The following ZMYM2 variants were observed in gnomAD, a reference collection of about 807,000 sequenced individuals.
The protein encoded by ZMYM2 is zinc finger MYM-type protein 2.
A neutral mutation model predicts 162.8 loss-of-function variants in ZMYM2; 56 were observed. That is an observed-to-expected ratio of 0.34 (90% CI 0.28 to 0.43). The LOEUF (loss-of-function observed/expected upper bound fraction) is 0.43, where lower values mean the gene tolerates loss of function less well. Ranked by LOEUF, ZMYM2 falls within the 20% of genes least tolerant of loss-of-function variation. The pLI, the probability that ZMYM2 is intolerant of heterozygous loss-of-function variation, is 1.00. For missense variants in ZMYM2, 1,275 were observed against 1,621.8 expected (o/e 0.79, Z 3.67); for synonymous variants, 510 against 541.6 (o/e 0.94, Z 0.81).
At chr13:19,922,399 G>A in the ZMYM2 span, among the ~76,000 whole-genome samples, 1 of 152,174 alleles carries the variant, frequency 6.6e-6, no homozygotes, top group African/African-American at 2.4e-5. Context: ...ACTACTTGTG[G>A]CAATAGCAAG....
At chr13:19,953,661 C>T in the ZMYM2 span, among the ~76,000 whole-genome samples, 9 of 113,110 alleles carry the variant, frequency 8.0e-5, no homozygotes, top group African/African-American at 2.8e-4. Context: ...TCCAGCCTGG[C>T]GACAGAGCAA....
At chr13:19,937,740 A>C in the ZMYM2 span, among the ~76,000 whole-genome samples, 1 of 149,462 alleles carries the variant, frequency 6.7e-6, no homozygotes. Context: ...TGCACCCATT[A>C]ACTCGTCATT....
intron 14 of ZMYM2, among the ~76,000 whole-genome samples, chr13:20,054,559 T>A (rs1371569465): frequency 6.6e-6 from 1 of 152,230 alleles, no homozygotes; most frequent in East Asian, 1.9e-4. Flanking sequence ...AGATGGTGGC[T>A]TTTGTCATTA....
chr13:20,063,866 T>A (rs1307698670), intron 18 of ZMYM2, among the ~76,000 whole-genome samples: 1 of 143,952 alleles, frequency 6.9e-6, no homozygotes, highest in South Asian at 2.2e-4. Flanking sequence ...GTATATAATA[T>A]ATAAATATAT....
At chr13:19,931,318 C>T in the ZMYM2 span, among the ~76,000 whole-genome samples, 8 of 151,958 alleles carry the variant, frequency 5.3e-5, no homozygotes. Flanking sequence ...TACAACTCAT[C>T]CCTTCTTTCT....
chr13:20,059,315 A>T, intron 15 of ZMYM2, 132 bp from the exon 16 acceptor site: 1 of 869,072 alleles, frequency 1.2e-6, no homozygotes, highest in Non-Finnish European at 1.6e-6. Context: ...TACCTAACTT[A>T]AAAAAACTGG....
intron 2 of ZMYM2, among the ~76,000 whole-genome samples, chr13:19,968,880 C>CACTT (rs1353565502): frequency 6.6e-6 from 1 of 152,138 alleles, no homozygotes; most frequent in Non-Finnish European, 1.5e-5. Flanking sequence ...TGTAAGTTCT[C>CACTT]ACTGTTCAGT....
At chr13:19,913,945 C>T in the ZMYM2 span, among the ~76,000 whole-genome samples, 4 of 152,186 alleles carry the variant, frequency 2.6e-5, no homozygotes, top group Non-Finnish European at 5.9e-5. Flanking sequence ...TGCAGTACTG[C>T]AGCCCTTTCT....
At chr13:20,018,314 A>G (rs570774843) in intron 6 of ZMYM2, among the ~76,000 whole-genome samples, 1 of 152,300 alleles carries the variant, frequency 6.6e-6, no homozygotes, top group Non-Finnish European at 1.5e-5. Context: ...TACATACTAT[A>G]TGTTCATAAT....
At chr13:20,009,409 G>A (rs1318206067) in intron 6 of ZMYM2, among the ~76,000 whole-genome samples, 1 of 152,128 alleles carries the variant, frequency 6.6e-6, no homozygotes, top group Non-Finnish European at 1.5e-5. Flanking sequence ...AAACATTGTG[G>A]TAGACTATAT....
chr13:20,019,078 C>T (rs1176379547), intron 6 of ZMYM2, among the ~76,000 whole-genome samples: 1 of 101,024 alleles, frequency 9.9e-6, no homozygotes. Flanking sequence ...AAAACTCCAT[C>T]TCAAAAAAAA....
chr13:20,019,691 T>G (rs1409391968), intron 7 of ZMYM2, 73 bp downstream of exon 7: 1 of 1,327,546 alleles, frequency 7.5e-7, no homozygotes, highest in Admixed American at 2.2e-5. Flanking sequence ...TTAATATGTA[T>G]CTGAAAAATC....
the ZMYM2 span, among the ~76,000 whole-genome samples, chr13:19,894,348 GT>G: frequency 7.3e-4 from 104 of 141,796 alleles, no homozygotes; most frequent in Middle Eastern, 3.6e-3. Flanking sequence ...TGGATATCTT[GT>G]TTTTTTTTTT....
At chr13:19,892,243 T>C in the ZMYM2 span, among the ~76,000 whole-genome samples, 1 of 151,680 alleles carries the variant, frequency 6.6e-6, no homozygotes, top group Non-Finnish European at 1.5e-5. Flanking sequence ...ACTCTCAGAC[T>C]TCATTAATGA....
chr13:20,021,529 T>A (rs953256559), intron 7 of ZMYM2, among the ~76,000 whole-genome samples: 4 of 152,200 alleles, frequency 2.6e-5, no homozygotes, highest in Non-Finnish European at 1.5e-5. Flanking sequence ...ATTTGGATCC[T>A]TTTGAGGCTT....
chr13:19,987,286 CAG>C (rs888767716), intron 2 of ZMYM2, among the ~76,000 whole-genome samples: 23 of 150,948 alleles, frequency 1.5e-4, no homozygotes, highest in Non-Finnish European at 2.7e-4. Flanking sequence ...TTTCTTGAGA[CAG>C]AGTCTCTCAC....
At chr13:19,998,250 A>G (rs1025788613) in intron 3 of ZMYM2, among the ~76,000 whole-genome samples, 1 of 152,250 alleles carries the variant, frequency 6.6e-6, no homozygotes, top group Non-Finnish European at 1.5e-5. Context: ...GAAGGTTTAG[A>G]CAAAATGATT....
chr13:20,052,233 A>G, intron 13 of ZMYM2, 44 bp from the exon 14 acceptor site: 2 of 1,471,308 alleles, frequency 1.4e-6, no homozygotes, highest in Non-Finnish European at 1.8e-6. Flanking sequence ...AACATTCTGA[A>G]GAAAGAGTAT....
chr13:19,904,869 TC>T, the ZMYM2 span, among the ~76,000 whole-genome samples: 2 of 152,198 alleles, frequency 1.3e-5, no homozygotes, highest in Non-Finnish European at 2.9e-5. Flanking sequence ...AGAATTTAAT[TC>T]CTTTTTAAGC....
Sources: allele counts gnomAD v4.1 joint callset (sites outside exome capture counted in the v4.1 genomes callset), GRCh38; gene constraint gnomAD v4.1.1; transcripts MANE v1.5; gene names NCBI Gene and HGNC (gene_info 2026-07-23, HGNC 2026-07-21).